The following KCNQ4 variants were observed in gnomAD, a reference collection of about 807,000 sequenced individuals.
The protein encoded by KCNQ4 is potassium voltage-gated channel subfamily KQT member 4.
KCNQ4 carries 31 observed loss-of-function variants against 72.6 expected under a neutral mutation model. The ratio of observed to expected loss-of-function variants is 0.43; its 90% CI spans 0.32 to 0.58. KCNQ4 has a LOEUF of 0.58. Among genes scored for constraint, KCNQ4 ranks in the 20% least tolerant of loss-of-function variants. The pLI, the probability that KCNQ4 is intolerant of heterozygous loss-of-function variation, is 0.08. For missense variants in KCNQ4, 869 were observed against 962.6 expected (o/e 0.90, Z 1.29); for synonymous variants, 405 against 403.7 (o/e 1.00, Z -0.04).
chr1:40,827,315 G>A (rs1648506735), intron 9 of KCNQ4, among the ~76,000 whole-genome samples: 1 of 152,182 alleles, frequency 6.6e-6, no homozygotes, highest in South Asian at 2.1e-4. Context: ...GGAAGCACAG[G>A]GGCTGTGGAG....
intron 1 of KCNQ4, among the ~76,000 whole-genome samples, chr1:40,813,852 A>G (rs1280172410): frequency 6.6e-6 from 1 of 151,696 alleles, no homozygotes; most frequent in Non-Finnish European, 1.5e-5. Context: ...GGTTCATGCC[A>G]TTGTCCTGCC....
In KCNQ4 at chr1:40,817,184, C is replaced by T; in HGVS notation, c.315-81C>T. 2 of 1,068,202 alleles carry T rather than the reference C, an allele frequency of 1.9e-6. No homozygotes were observed. Among genetic ancestry groups the T allele is most frequent in the Non-Finnish European group, 2.9e-6 (2 of 694,792 alleles). 66.2% of individuals were successfully genotyped at this position (1,068,202 alleles called of 1,614,324 possible). The stretch of plus-strand genomic sequence containing the variant: ...TGAAAATAATGTTCTCCTCTCTTGG[C>T]TCTGTAACCCCCTGCCAGGGGCACC... On this transcript the variant is annotated intron_variant, in intron 1 of 13. Coordinates refer to ENST00000347132, the MANE Select transcript of KCNQ4 (RefSeq NM_004700.4). This position sits in a 1 kb window ranked among gnomAD's most constrained non-coding sequence, Gnocchi z 5.5.
At chr1:40,792,841 A>G (rs893535900) in intron 1 of KCNQ4, among the ~76,000 whole-genome samples, 1 of 152,048 alleles carries the variant, frequency 6.6e-6, no homozygotes, top group African/African-American at 2.4e-5. Flanking sequence ...ATTAAGGTGT[A>G]AAGAAGTTAA....
At chr1:40,787,993 G>A (rs1333819403) in intron 1 of KCNQ4, among the ~76,000 whole-genome samples, 2 of 152,128 alleles carry the variant, frequency 1.3e-5, no homozygotes, top group South Asian at 2.1e-4. Context: ...GAAGGTTTGC[G>A]GCTCTGTAAA....
intron 1 of KCNQ4, among the ~76,000 whole-genome samples, chr1:40,815,023 C>CTT (rs1648041584): frequency 6.6e-6 from 1 of 151,948 alleles, no homozygotes; most frequent in Non-Finnish European, 1.5e-5. Context: ...AGGTGGATCA[C>CTT]GAGGTCAGGA....
chr1:40,791,372 A>G (rs930381652), intron 1 of KCNQ4, among the ~76,000 whole-genome samples: 13 of 152,244 alleles, frequency 8.5e-5, no homozygotes, highest in African/African-American at 3.1e-4. Flanking sequence ...CTCAGGTGAC[A>G]GGGTGCCACT....
chr1:40,831,611 A>G (rs1160244362), intron 10 of KCNQ4, among the ~76,000 whole-genome samples: 1 of 152,170 alleles, frequency 6.6e-6, no homozygotes, highest in Non-Finnish European at 1.5e-5. Flanking sequence ...CGAGTGACCT[A>G]ATTTCTCTGG....
At chr1:40,808,337 A>G (rs1036308447) in intron 1 of KCNQ4, among the ~76,000 whole-genome samples, 22 of 152,122 alleles carry the variant, frequency 1.4e-4, no homozygotes, top group Non-Finnish European at 3.1e-4. Flanking sequence ...CTTAAAAACA[A>G]ACAGCAACAA....
chr1:40,801,861 C>G (rs72661508), intron 1 of KCNQ4, among the ~76,000 whole-genome samples: 4 of 152,282 alleles, frequency 2.6e-5, no homozygotes, highest in Admixed American at 1.3e-4. Flanking sequence ...TCTTCCTACT[C>G]ACTCCTGACT....
intron 9 of KCNQ4, among the ~76,000 whole-genome samples, chr1:40,826,193 G>A (rs1648473743): frequency 6.6e-6 from 1 of 152,220 alleles, no homozygotes; most frequent in East Asian, 1.9e-4. Flanking sequence ...TGGTGCTTGG[G>A]GATGGACCTG....
chr1:40,829,307 G>A (rs1311987598), intron 9 of KCNQ4, among the ~76,000 whole-genome samples: 4 of 152,180 alleles, frequency 2.6e-5, no homozygotes, highest in African/African-American at 9.7e-5. Flanking sequence ...GGAAAGTTTG[G>A]GAGAGCCAAC....
At chr1:40,807,246 G>A (rs1022016087) in intron 1 of KCNQ4, among the ~76,000 whole-genome samples, 2 of 152,090 alleles carry the variant, frequency 1.3e-5, no homozygotes, top group African/African-American at 2.4e-5. Context: ...CTCAGCTGAG[G>A]GCCAACTCTC....
At chr1:40,793,498 C>T (rs1168286612) in intron 1 of KCNQ4, among the ~76,000 whole-genome samples, 5 of 152,110 alleles carry the variant, frequency 3.3e-5, no homozygotes, top group African/African-American at 7.2e-5. Context: ...TGACAGCCTC[C>T]GCTCTGCAGT....
intron 1 of KCNQ4, among the ~76,000 whole-genome samples, chr1:40,815,909 C>G (rs1330967405): frequency 6.6e-6 from 1 of 152,138 alleles, no homozygotes; most frequent in African/African-American, 2.4e-5. Flanking sequence ...AGCTGCTGTC[C>G]TTAAGGTCAC....
intron 1 of KCNQ4, among the ~76,000 whole-genome samples, chr1:40,795,215 C>T (rs1372779563): frequency 6.6e-6 from 1 of 150,974 alleles, no homozygotes; most frequent in African/African-American, 2.4e-5. Flanking sequence ...TGGTAAACTG[C>T]AAAGTGCTGT....
rs1648699653 is a variant in KCNQ4, at chr1:40,833,086, C to T, written c.1586C>T (p.Ala529Val). ...CTCACGGTGGACGACATCATGCCTG[C>T]TGTGAAGACAGTCATCCGCTCCATC... ...CELTVDDIMPAVKTVIRSIRI... is the reference protein window; with the variant it reads ...CELTVDDIMPVVKTVIRSIRI... The change falls in exon 11 of 14, where the codon GCT becomes GTT. Residue 529 changes from alanine to valine, a missense_variant. Physicochemically the swap from Ala to Val is moderately conservative, Grantham distance 64 (BLOSUM62 0). Around this residue, in one of 5 missense-constraint regions of KCNQ4, gnomAD observed 480 missense variants for 501.9 expected, o/e 0.96. Transcript: ENST00000347132. 1 of 1,612,558 alleles carries T rather than the reference C, an allele frequency of 6.2e-7. No individual in the cohort carries two copies. The highest frequency in any genetic ancestry group is 1.1e-5 in the South Asian group (1 of 91,064).
intron 8 of KCNQ4, among the ~76,000 whole-genome samples, chr1:40,823,201 C>T (rs1648361131): frequency 6.6e-6 from 1 of 152,228 alleles, no homozygotes; most frequent in African/African-American, 2.4e-5. Context: ...CCTGCGCCCT[C>T]CCAGCCCTAG....
intron 7 of KCNQ4, among the ~76,000 whole-genome samples, chr1:40,822,087 A>G (rs759312346): frequency 1.3e-5 from 2 of 152,170 alleles, no homozygotes; most frequent in East Asian, 1.9e-4. Context: ...TCTATGCTCT[A>G]TGGCCCCTGG....
intron 1 of KCNQ4, among the ~76,000 whole-genome samples, chr1:40,810,038 C>T (rs1439904698): frequency 1.4e-5 from 2 of 143,968 alleles, no homozygotes; most frequent in East Asian, 2.1e-4. Context: ...CCAGCCTGGG[C>T]GACAGAGTGA....
Sources: allele counts gnomAD v4.1 joint callset (sites outside exome capture counted in the v4.1 genomes callset), GRCh38; gene constraint gnomAD v4.1.1; regional missense constraint gnomAD v4.1.1; non-coding constraint Gnocchi (gnomAD v3.1); transcripts MANE v1.5; gene names NCBI Gene and HGNC (gene_info 2026-07-23, HGNC 2026-07-21).